CDH18: variants seen among roughly 807,000 people sequenced by gnomAD.
CDH18 encodes cadherin-18.
A neutral mutation model predicts 67.9 loss-of-function variants in CDH18; 31 were observed. The observed-to-expected ratio is 0.46, with a 90% confidence interval of 0.34 to 0.62. CDH18 has a LOEUF of 0.62. Among genes scored for constraint, CDH18 ranks in the 20% least tolerant of loss-of-function variants. CDH18 has a pLI of 0.01. For missense variants in CDH18, 890 were observed against 975.5 expected (o/e 0.91, Z 1.17); for synonymous variants, 362 against 347.2 (o/e 1.04, Z -0.48).
intron 2 of CDH18, among the ~76,000 whole-genome samples, chr5:20,110,128 T>G (rs1353345677): frequency 2.0e-5 from 3 of 152,306 alleles, no homozygotes; most frequent in Admixed American, 1.3e-4. Flanking sequence ...ACAATGCATT[T>G]TTCAGGTCTG....
rs1450528869 is a variant in CDH18, at chr5:19,631,938, T to C, written c.644-19337A>G. 3.9e-5 allele frequency among the ~76,000 whole-genome samples: 6 copies of C among 152,176 alleles called. No individual in the cohort carries two copies. The East Asian group carries it at 9.6e-4, about 24-fold the overall frequency. ...AATGATTTATTTCGGTCATACAGTA[T>C]AGTTGAGGGTTTAGAGTAGTAGAGC... On this transcript the variant is annotated intron_variant, in intron 5 of 12. Transcript: ENST00000382275.
chr5:20,049,862 C>T (rs920386660), intron 2 of CDH18, among the ~76,000 whole-genome samples: 1 of 151,352 alleles, frequency 6.6e-6, no homozygotes, highest in Non-Finnish European at 1.5e-5. Flanking sequence ...GAGTAACATG[C>T]TAAAATTACA....
chr5:20,502,806 A>G (rs960468534), intron 1 of CDH18, among the ~76,000 whole-genome samples: 1 of 152,188 alleles, frequency 6.6e-6, no homozygotes, highest in Non-Finnish European at 1.5e-5. Context: ...AGTCAGGGTT[A>G]CTACATTTAT....
intron 2 of CDH18, among the ~76,000 whole-genome samples, chr5:20,214,146 C>A (rs1211635014): frequency 1.3e-5 from 2 of 151,948 alleles, no homozygotes; most frequent in Non-Finnish European, 2.9e-5. Flanking sequence ...GGTGAAAGAT[C>A]TCCACAAGGG....
intron 2 of CDH18, among the ~76,000 whole-genome samples, chr5:20,166,962 T>G (rs1270789288): frequency 6.6e-6 from 1 of 152,176 alleles, no homozygotes; most frequent in Non-Finnish European, 1.5e-5. Context: ...TGTAATTACC[T>G]TTAAAAATAG....
chr5:19,605,229 T>C (rs1747843360), intron 6 of CDH18, among the ~76,000 whole-genome samples: 1 of 151,830 alleles, frequency 6.6e-6, no homozygotes, highest in Non-Finnish European at 1.5e-5. Flanking sequence ...AATATTCAAT[T>C]CTAAAATCAG....
intron 5 of CDH18, among the ~76,000 whole-genome samples, chr5:19,615,783 T>C (rs1033164874): frequency 6.6e-6 from 1 of 152,210 alleles, no homozygotes; most frequent in Admixed American, 6.5e-5. Context: ...ATTGGAATCA[T>C]ACAGTTAGCC....
chr5:20,295,913 C>T (rs1477279229), intron 1 of CDH18, among the ~76,000 whole-genome samples: 5 of 126,692 alleles, frequency 3.9e-5, no homozygotes, highest in African/African-American at 6.1e-5. Flanking sequence ...CTCTTGTCAT[C>T]CAGGCTGGAG....
chr5:19,511,055 G>C (rs539198056), intron 10 of CDH18, among the ~76,000 whole-genome samples: 27 of 152,114 alleles, frequency 1.8e-4, no homozygotes, highest in African/African-American at 6.5e-4. Flanking sequence ...CAGATGATCT[G>C]CCTGCCTTAG....
At chr5:19,921,347 C>T (rs143047311) in intron 2 of CDH18, among the ~76,000 whole-genome samples, 7 of 152,070 alleles carry the variant, frequency 4.6e-5, no homozygotes, top group Admixed American at 1.3e-4. Context: ...CTGGCTAACA[C>T]AGTGAAACCC....
chr5:20,138,187 C>A (rs1242773685), intron 2 of CDH18, among the ~76,000 whole-genome samples: 1 of 151,708 alleles, frequency 6.6e-6, no homozygotes, highest in African/African-American at 2.4e-5. Context: ...TGTAATCCAG[C>A]ATATAAACAG....
intron 2 of CDH18, among the ~76,000 whole-genome samples, chr5:20,019,685 T>G (rs914955552): frequency 1.3e-5 from 2 of 152,194 alleles, no homozygotes; most frequent in Non-Finnish European, 1.5e-5. Context: ...GTAAGTCAAT[T>G]AAAACACTTT....
At chr5:19,891,220 G>A (rs1176862425) in intron 2 of CDH18, among the ~76,000 whole-genome samples, 1 of 152,020 alleles carries the variant, frequency 6.6e-6, no homozygotes, top group Non-Finnish European at 1.5e-5. Flanking sequence ...AAGTGACAGT[G>A]CACCTCCAAA....
intron 2 of CDH18, among the ~76,000 whole-genome samples, chr5:20,017,878 G>A (rs971677303): frequency 1.3e-5 from 2 of 152,102 alleles, no homozygotes; most frequent in Non-Finnish European, 2.9e-5. Flanking sequence ...ATCACTTAAG[G>A]TAGAAAGTAC....
intron 10 of CDH18, among the ~76,000 whole-genome samples, chr5:19,513,909 C>T (rs1579929060): frequency 6.6e-6 from 1 of 152,132 alleles, no homozygotes; most frequent in Middle Eastern, 3.4e-3. Flanking sequence ...AGGTTTGTTA[C>T]ATATGTATAC....
intron 1 of CDH18, among the ~76,000 whole-genome samples, chr5:20,538,958 A>T (rs1190201415): frequency 7.9e-6 from 1 of 126,704 alleles, no homozygotes; most frequent in Middle Eastern, 7.4e-3. Context: ...TCACGATCTC[A>T]GCTCACTGCA....
chr5:20,056,486 T>TTTG (rs1741975967), intron 2 of CDH18, among the ~76,000 whole-genome samples: 1 of 132,190 alleles, frequency 7.6e-6, no homozygotes, highest in Non-Finnish European at 1.6e-5. Flanking sequence ...TTGTTTTTTT[T>TTTG]TTTTTTTTTT....
At chr5:20,415,539 C>T (rs534466302) in intron 1 of CDH18, among the ~76,000 whole-genome samples, 21 of 151,766 alleles carry the variant, frequency 1.4e-4, no homozygotes, top group Non-Finnish European at 5.9e-5. Context: ...TTTGGGAAGC[C>T]GAGGTGGGAG....
intron 2 of CDH18, among the ~76,000 whole-genome samples, chr5:19,965,552 T>C (rs1797343074): frequency 6.6e-6 from 1 of 152,204 alleles, no homozygotes; most frequent in Admixed American, 6.5e-5. Context: ...TAGCATTATA[T>C]GTTAGCAAAA....
Sources: allele counts gnomAD v4.1 joint callset (sites outside exome capture counted in the v4.1 genomes callset), GRCh38; gene constraint gnomAD v4.1.1; transcripts MANE v1.5; gene names NCBI Gene and HGNC (gene_info 2026-07-23, HGNC 2026-07-21).